Variants in RNF10 observed in about 807,000 individuals in gnomAD.
RNF10 encodes ring finger protein 10, also known as E3 ubiquitin-protein ligase RNF10.
A neutral mutation model predicts 91.4 loss-of-function variants in RNF10; 38 were observed. The observed-to-expected ratio is 0.42, with a 90% confidence interval of 0.32 to 0.54. The LOEUF (loss-of-function observed/expected upper bound fraction) is 0.54, where lower values mean the gene tolerates loss of function less well. RNF10 is among the 20% of genes least tolerant of loss of function. RNF10 has a pLI of 0.16. For missense variants in RNF10, 945 were observed against 1,012.0 expected (o/e 0.93, Z 0.90); for synonymous variants, 364 against 366.3 (o/e 0.99, Z 0.07).
At chr12:120,540,114 C>G (rs1278128148) in intron 1 of RNF10, among the ~76,000 whole-genome samples, 3 of 136,740 alleles carry the variant, frequency 2.2e-5, no homozygotes, top group Admixed American at 1.5e-4. Context: ...GGGGCCCCTT[C>G]CTAGGAATTT....
intron 7 of RNF10, among the ~76,000 whole-genome samples, chr12:120,561,564 T>C (rs1437478762): frequency 6.6e-6 from 1 of 152,232 alleles, no homozygotes; most frequent in Non-Finnish European, 1.5e-5. Context: ...CCCATATTTA[T>C]TGAGTGATCA....
chr12:120,548,660 C>CTTT (rs5801391), intron 2 of RNF10, among the ~76,000 whole-genome samples: 9 of 133,346 alleles, frequency 6.7e-5, no homozygotes, highest in Non-Finnish European at 9.6e-5. Context: ...TTTTTTCTTT[C>CTTT]TTTTTTTTTT....
chr12:120,539,896 C>T (rs542946503), intron 1 of RNF10, among the ~76,000 whole-genome samples: 8 of 151,642 alleles, frequency 5.3e-5, no homozygotes, highest in East Asian at 1.9e-4. Flanking sequence ...AGTTCAGTGG[C>T]GCGATCTCAG....
At chr12:120,557,005 G>T (rs370503787) in intron 4 of RNF10, among the ~76,000 whole-genome samples, 3 of 150,968 alleles carry the variant, frequency 2.0e-5, no homozygotes, top group African/African-American at 7.3e-5. Context: ...TTAGCTGAGC[G>T]TGGTGGCAGG....
chr12:120,548,660 CTTT>C (rs5801391), intron 2 of RNF10, among the ~76,000 whole-genome samples: 5 of 133,310 alleles, frequency 3.8e-5, no homozygotes, highest in Admixed American at 8.0e-5. Context: ...TTTTTTCTTT[CTTT>C]TTTTTTTTTT....
intron 13 of RNF10, among the ~76,000 whole-genome samples, chr12:120,567,534 C>G (rs1875942739): frequency 6.6e-6 from 1 of 151,914 alleles, no homozygotes; most frequent in South Asian, 2.1e-4. Flanking sequence ...AACCCTATCT[C>G]TACTGAAAAT....
intron 13 of RNF10, 37 bp from the exon 14 acceptor site, chr12:120,571,154 C>T (rs373340814): frequency 1.1e-5 from 16 of 1,429,224 alleles, no homozygotes; most frequent in East Asian, 4.6e-5. Context: ...CCCCTTGGAA[C>T]GTGACGAATA....
In RNF10 at chr12:120,549,282, G is replaced by T. The variant is rs1872712147; in HGVS notation, c.354+2681G>T. 2.0e-5 allele frequency among the ~76,000 whole-genome samples: 3 copies of T among 152,156 alleles called. No individual in the cohort carries two copies. In the South Asian group the frequency reaches 6.2e-4, roughly 31 times the overall value. On this transcript the variant is annotated intron_variant, in intron 2 of 16. Transcript: ENST00000325954. ...TGGAAGCCTGAGGAGTGAAGGAGTT[G>T]TCTGGGAAAGTGAGGGAATGAATGG...
At chr12:120,537,455 C>T (rs1175173946) in intron 1 of RNF10, among the ~76,000 whole-genome samples, 3 of 151,862 alleles carry the variant, frequency 2.0e-5, no homozygotes, top group East Asian at 3.9e-4. Flanking sequence ...GGTGAAGCCC[C>T]GTCTCTACTA....
At chr12:120,555,262 A>G (rs1167714) in intron 4 of RNF10, among the ~76,000 whole-genome samples, 40,662 of 151,720 alleles carry the variant, frequency 0.27, 6,490 homozygotes, top group Admixed American at 0.39. Flanking sequence ...GCTCACTGCA[A>G]CCTCTGCCTC....
chr12:120,536,230 T>G (rs1240843950), intron 1 of RNF10, among the ~76,000 whole-genome samples: 1 of 151,410 alleles, frequency 6.6e-6, no homozygotes, highest in African/African-American at 2.4e-5. Flanking sequence ...CACACCAGCT[T>G]GGGCAAGATA....
chr12:120,553,223 A>G (rs1043414683), intron 3 of RNF10, among the ~76,000 whole-genome samples: 2 of 150,212 alleles, frequency 1.3e-5, no homozygotes, highest in Non-Finnish European at 3.0e-5. Flanking sequence ...AGCTGGGACT[A>G]CAGGTGCATA....
rs1351182882 is a variant in RNF10 at position 120,539,327 on chromosome 12, T to A, written c.157+4359T>A. ...AGCAAGCAGATAACTTACTGGCATG[T>A]GCATCATTCCTGATACCACCTCTCT... On this transcript the variant is annotated intron_variant, in intron 1 of 16. Transcript: ENST00000325954. 3.0e-6 allele frequency: 3 copies of A among 986,202 alleles called. No homozygotes were observed. The African/African-American group carries it at 5.0e-5, about 16-fold the overall frequency. 61.1% of individuals were successfully genotyped at this position (986,202 alleles called of 1,614,324 possible). A position where few individuals can be genotyped will look rare whatever the true frequency, so the allele number is the denominator to read the frequency against.
Position 120,565,149 on chromosome 12 carries a change from A to G in RNF10, c.1743A>G (p.Gln581=). The change falls in exon 11 of 17, where the codon CAA becomes CAG. Residue 581 remains glutamine (Q), a synonymous_variant. Transcript: ENST00000325954. ...CEFSICELAL[Q]PPVVSKETLE... is the part of the protein sequence containing the mutation. ...TCAGCATCTGTGAACTGGCTTTGCA[A>G]CCTCCTGTGGTCTCTAAGGAAACCC... 1 of 1,613,602 alleles carries G rather than the reference A, an allele frequency of 6.2e-7. No homozygotes were observed. The highest frequency in any genetic ancestry group is 8.5e-7 in the Non-Finnish European group (1 of 1,179,646).
intron 7 of RNF10, 95 bp from the exon 8 acceptor site, chr12:120,562,850 G>T: frequency 6.8e-7 from 1 of 1,473,750 alleles, no homozygotes; most frequent in Non-Finnish European, 9.4e-7. Flanking sequence ...TTTAACTTTT[G>T]GTCCTGTTGA....
intron 2 of RNF10, among the ~76,000 whole-genome samples, chr12:120,550,880 G>GCCA (rs977634169): frequency 5.3e-5 from 8 of 152,182 alleles, no homozygotes; most frequent in African/African-American, 1.9e-4. Context: ...ACAGGCATGA[G>GCCA]CCACCACACC....
chr12:120,571,933 TAAC>T (rs1876689622), intron 14 of RNF10, among the ~76,000 whole-genome samples: 1 of 152,160 alleles, frequency 6.6e-6, no homozygotes, highest in African/African-American at 2.4e-5. Flanking sequence ...ATCTCTAAGA[TAAC>T]AAGCTAATAC....
chr12:120,557,696 A>G lies in RNF10; in HGVS notation c.967+14A>G. ...TTCATCTAGGAGGTGAGTTCTTTAA[A>G]TTTTGGGGACAAATAATCCTGGGTA... On this transcript the variant is annotated intron_variant, in intron 6 of 16. Coordinates refer to ENST00000325954, the MANE Select transcript of RNF10 (RefSeq NM_014868.5). 6.2e-7 allele frequency: 1 copy of G among 1,613,974 alleles called. No homozygotes were observed. Among genetic ancestry groups the G allele is most frequent in the Non-Finnish European group, 8.5e-7 (1 of 1,179,878 alleles).
In RNF10 at chr12:120,534,693, C is replaced by A; in HGVS notation, c.-119C>A. The A allele has an allele frequency of 7.2e-7, 1 of 1,387,550 alleles. No individual in the cohort carries two copies. Among genetic ancestry groups the A allele is most frequent in the Non-Finnish European group, 9.3e-7 (1 of 1,080,864 alleles). 86.0% of individuals were successfully genotyped at this position (1,387,550 alleles called of 1,614,324 possible). A position where few individuals can be genotyped will look rare whatever the true frequency, so the allele number is the denominator to read the frequency against. On this transcript the variant is annotated 5_prime_UTR_variant, in exon 1 of 17. The change creates a premature stop within an existing upstream ORF in the 5' untranslated region. Transcript: ENST00000325954. ...CAAGGAAGGAAACAGGGAAAAATGT[C>A]GCCATGAAGGCCGAGAACCGCTGCC...
Sources: allele counts gnomAD v4.1 joint callset (sites outside exome capture counted in the v4.1 genomes callset), GRCh38; gene constraint gnomAD v4.1.1; transcripts MANE v1.5; gene names NCBI Gene and HGNC (gene_info 2026-07-23, HGNC 2026-07-21).